GRXCR2: variants seen among roughly 807,000 people sequenced by gnomAD.
GRXCR2 encodes the protein glutaredoxin domain-containing cysteine-rich protein 2.
GRXCR2 carries 23 observed loss-of-function variants against 24.8 expected under a neutral mutation model. The ratio of observed to expected loss-of-function variants is 0.93; its 90% CI spans 0.67 to 1.32. The LOEUF (loss-of-function observed/expected upper bound fraction) is 1.32. Ranked by LOEUF, GRXCR2 falls within the 40% of genes most tolerant of loss-of-function variation. GRXCR2 has a pLI of 0.00. For synonymous variants in GRXCR2, 130 were observed against 116.1 expected, an observed-to-expected ratio of 1.12 and a Z score of -0.77; for missense variants, 315 against 303.4, an observed-to-expected ratio of 1.04 and a Z score of -0.28.
intron 2 of GRXCR2, among the ~76,000 whole-genome samples, chr5:145,925,470 C>CTGTTCTGGTG (rs1330024544): frequency 6.6e-6 from 1 of 152,100 alleles, no homozygotes; most frequent in East Asian, 1.9e-4. Context: ...CACAAAGGGT[C>CTGTTCTGGTG]ACAGAGCTGT....
upstream of GRXCR2, among the ~76,000 whole-genome samples, chr5:145,875,126 C>G (rs1281839714): frequency 6.6e-6 from 1 of 152,190 alleles, no homozygotes; most frequent in Non-Finnish European, 1.5e-5. Context: ...TACTATCTGT[C>G]TATTCCCAGT....
downstream of GRXCR2, among the ~76,000 whole-genome samples, chr5:145,857,865 C>G (rs193421): frequency 2.6e-5 from 4 of 152,038 alleles, no homozygotes; most frequent in South Asian, 6.2e-4. Context: ...TTGCAATTAT[C>G]CATTTATGTA....
intron 2 of GRXCR2, among the ~76,000 whole-genome samples, chr5:145,897,574 C>G (rs1756968339): frequency 1.3e-5 from 2 of 151,954 alleles, no homozygotes; most frequent in Admixed American, 1.3e-4. Flanking sequence ...AGCCATAAAG[C>G]AAGTCTCAAT....
At chr5:145,885,855 T>G (rs1419239205) in intron 2 of GRXCR2, among the ~76,000 whole-genome samples, 1 of 152,110 alleles carries the variant, frequency 6.6e-6, no homozygotes, top group African/African-American at 2.4e-5. Context: ...CCCTTCATAA[T>G]GAAAAACAGC....
chr5:145,905,115 T>C (rs958429376), intron 2 of GRXCR2, among the ~76,000 whole-genome samples: 2 of 152,228 alleles, frequency 1.3e-5, no homozygotes, highest in African/African-American at 4.8e-5. Context: ...CATGGTTCTT[T>C]GACTACCACC....
intron 2 of GRXCR2, among the ~76,000 whole-genome samples, chr5:145,896,634 A>G (rs1394466025): frequency 1.3e-5 from 2 of 152,192 alleles, no homozygotes; most frequent in African/African-American, 4.8e-5. Context: ...TCAGGAAACA[A>G]CAGGTGCTGG....
intron 2 of GRXCR2, among the ~76,000 whole-genome samples, chr5:145,865,759 G>T (rs1405878578): frequency 1.3e-5 from 2 of 152,140 alleles, no homozygotes; most frequent in Non-Finnish European, 2.9e-5. Flanking sequence ...CTGCCAAATG[G>T]AATCATGACT....
chr5:145,913,991 A>G (rs1191403747), intron 2 of GRXCR2, among the ~76,000 whole-genome samples: 1 of 152,212 alleles, frequency 6.6e-6, no homozygotes, highest in African/African-American at 2.4e-5. Flanking sequence ...AGAAAATCAA[A>G]TGTCTAATAG....
chr5:145,927,211 A>G (rs1757411465), intron 2 of GRXCR2, among the ~76,000 whole-genome samples: 2 of 152,022 alleles, frequency 1.3e-5, no homozygotes, highest in Admixed American at 6.6e-5. Context: ...CTAATTGAAT[A>G]CCCTTTATTT....
chr5:145,915,060 A>G (rs1757217998), intron 2 of GRXCR2, among the ~76,000 whole-genome samples: 1 of 152,132 alleles, frequency 6.6e-6, no homozygotes, highest in African/African-American at 2.4e-5. Context: ...ATTTTGAGTA[A>G]GTCCCTTAAG....
intron 2 of GRXCR2, among the ~76,000 whole-genome samples, chr5:145,921,834 A>G (rs1757325692): frequency 6.6e-6 from 1 of 152,110 alleles, no homozygotes; most frequent in Admixed American, 6.5e-5. Flanking sequence ...ACTTAAATCC[A>G]TGTTTGTATT....
intron 2 of GRXCR2, among the ~76,000 whole-genome samples, chr5:145,890,319 A>G (rs1756846110): frequency 6.6e-6 from 1 of 152,096 alleles, no homozygotes; most frequent in African/African-American, 2.4e-5. Context: ...TGAACTTCTG[A>G]CCTCAAGTAA....
intron 1 of GRXCR2, among the ~76,000 whole-genome samples, chr5:145,870,924 C>T (rs182757132): frequency 1.3e-5 from 2 of 152,158 alleles, no homozygotes; most frequent in East Asian, 1.9e-4. Flanking sequence ...CATGAAGACT[C>T]ATTTACCTAG....
upstream of GRXCR2, among the ~76,000 whole-genome samples, chr5:145,877,304 T>C (rs1373178891): frequency 1.3e-5 from 2 of 150,410 alleles, no homozygotes; most frequent in South Asian, 2.1e-4. Context: ...TTGTCCTTAG[T>C]AGAAAGGTCG....
At chr5:145,897,912 G>T (rs1172475016) in intron 2 of GRXCR2, among the ~76,000 whole-genome samples, 2 of 151,890 alleles carry the variant, frequency 1.3e-5, no homozygotes, top group Non-Finnish European at 2.9e-5. Context: ...AGAGGAATTA[G>T]AAAAACAAGA....
chr5:145,885,851 A>C (rs1756772564), intron 2 of GRXCR2, among the ~76,000 whole-genome samples: 1 of 152,182 alleles, frequency 6.6e-6, no homozygotes, highest in African/African-American at 2.4e-5. Context: ...ATACCCCTTC[A>C]TAATGAAAAA....
At chr5:145,891,847 C>T (rs1756869457) in intron 2 of GRXCR2, among the ~76,000 whole-genome samples, 1 of 152,150 alleles carries the variant, frequency 6.6e-6, no homozygotes, top group Non-Finnish European at 1.5e-5. Flanking sequence ...CAAGTTGGTC[C>T]CTGACCCCCG....
At chr5:145,915,639 C>T (rs1757226314) in intron 2 of GRXCR2, among the ~76,000 whole-genome samples, 1 of 151,864 alleles carries the variant, frequency 6.6e-6, no homozygotes, top group African/African-American at 2.4e-5. Flanking sequence ...ACAAAAATTA[C>T]CTTGAAATCA....
intron 2 of GRXCR2, among the ~76,000 whole-genome samples, chr5:145,900,948 C>T (rs751833649): frequency 6.6e-6 from 1 of 152,096 alleles, no homozygotes. Context: ...TACTGTGGAA[C>T]ACTATGCAGC....
Sources: gnomAD v4.1 joint callset for allele counts (sites outside exome capture counted in the v4.1 genomes callset) on GRCh38, gnomAD v4.1.1 for gene constraint, MANE v1.5 for transcripts, NCBI Gene and HGNC (gene_info 2026-07-23, HGNC 2026-07-21) for gene names.